LRRC69: variants seen among roughly 807,000 people sequenced by gnomAD.
The protein encoded by LRRC69 is leucine-rich repeat-containing protein 69.
Under a neutral mutation model 37.8 loss-of-function variants are expected in LRRC69, and 42 were observed. That is an observed-to-expected ratio of 1.11 (90% CI 0.87 to 1.44). The LOEUF is 1.44. Among genes scored for constraint, LRRC69 ranks in the 40% most tolerant of loss-of-function variants. LRRC69 has a pLI of 0.00. For missense variants in LRRC69, 357 were observed against 401.9 expected, an observed-to-expected ratio of 0.89 and a Z score of 0.96; for synonymous variants, 141 against 143.1, an observed-to-expected ratio of 0.99 and a Z score of 0.11.
intron 5 of LRRC69, among the ~76,000 whole-genome samples, chr8:91,173,712 G>T (rs893428961): frequency 2.0e-5 from 3 of 152,076 alleles, no homozygotes; most frequent in Admixed American, 1.3e-4. Flanking sequence ...AGCAGATTTG[G>T]TGTCTGTTCG....
chr8:91,213,385 C>T (rs1258819568), intron 7 of LRRC69, among the ~76,000 whole-genome samples: 1 of 152,036 alleles, frequency 6.6e-6, no homozygotes, highest in Non-Finnish European at 1.5e-5. Flanking sequence ...TTGGCAAATC[C>T]CAATGTATGG....
intron 4 of LRRC69, among the ~76,000 whole-genome samples, chr8:91,134,034 C>CT (rs1349295761): frequency 6.6e-6 from 1 of 151,412 alleles, no homozygotes. Flanking sequence ...ACTGGCTCTC[C>CT]TTTTTTCCTT....
intron 5 of LRRC69, among the ~76,000 whole-genome samples, chr8:91,162,659 GT>G (rs767085838): frequency 2.6e-4 from 40 of 151,214 alleles, no homozygotes; most frequent in Non-Finnish European, 5.2e-4. Context: ...AGGTAAGTGA[GT>G]TTTTTGTAGG....
chr8:91,162,490 T>C (rs553971452), intron 5 of LRRC69, among the ~76,000 whole-genome samples: 2 of 151,604 alleles, frequency 1.3e-5, no homozygotes, highest in South Asian at 4.2e-4. Flanking sequence ...ATTAATCCCT[T>C]TATCATTATA....
intron 5 of LRRC69, among the ~76,000 whole-genome samples, chr8:91,142,487 G>C (rs564663034): frequency 6.6e-6 from 1 of 152,122 alleles, no homozygotes; most frequent in African/African-American, 2.4e-5. Flanking sequence ...CATTATTCCT[G>C]TTTGGAGCTG....
chr8:91,205,151 TATGA>T (rs370160310), intron 7 of LRRC69, among the ~76,000 whole-genome samples: 3 of 152,104 alleles, frequency 2.0e-5, no homozygotes, highest in Admixed American at 6.6e-5. Flanking sequence ...TTATAAAAAA[TATGA>T]ATGAATGAAT....
intron 5 of LRRC69, among the ~76,000 whole-genome samples, chr8:91,148,532 G>A (rs1433392002): frequency 4.6e-5 from 7 of 151,764 alleles, no homozygotes; most frequent in African/African-American, 7.3e-5. Context: ...GAATAGTGCC[G>A]CAATAAACAT....
chr8:91,155,692 T>A (rs1808821159), intron 5 of LRRC69, among the ~76,000 whole-genome samples: 1 of 150,854 alleles, frequency 6.6e-6, no homozygotes, highest in African/African-American at 2.4e-5. Flanking sequence ...TCTACTTCTA[T>A]GAACTCAACA....
chr8:91,200,428 A>G (rs551475600), intron 6 of LRRC69, among the ~76,000 whole-genome samples, 185 bp from the exon 7 acceptor site: 2 of 152,346 alleles, frequency 1.3e-5, no homozygotes, highest in Admixed American at 6.5e-5. Context: ...TCTTATATTG[A>G]TGAAAACCAA....
intron 5 of LRRC69, among the ~76,000 whole-genome samples, chr8:91,176,115 C>CATATAT (rs1220622429): frequency 4.9e-5 from 5 of 102,334 alleles, no homozygotes; most frequent in East Asian, 5.4e-4. Context: ...CACCATCCCT[C>CATATAT]ATATATATAT....
At chr8:91,117,974 A>G (rs1326094102) in intron 1 of LRRC69, among the ~76,000 whole-genome samples, 2 of 151,808 alleles carry the variant, frequency 1.3e-5, no homozygotes, top group East Asian at 3.9e-4. Flanking sequence ...AGGGAATATG[A>G]TAGCAATCTT....
At chr8:91,187,251 T>C (rs549098283) in intron 5 of LRRC69, among the ~76,000 whole-genome samples, 1 of 152,344 alleles carries the variant, frequency 6.6e-6, no homozygotes, top group Non-Finnish European at 1.5e-5. Context: ...TTTATATCCA[T>C]ATCTTTTCAC....
At position 91,135,743 on chromosome 8, in the gene LRRC69, AG is replaced by A. The variant is rs1268360046; in HGVS notation, c.651+5del. 3.7e-5 allele frequency: 52 copies of A among 1,392,034 alleles called. No homozygotes were observed. The highest frequency in any genetic ancestry group is 4.9e-5 in the Non-Finnish European group (52 of 1,060,828). 86.2% of individuals were successfully genotyped at this position (1,392,034 alleles called of 1,614,324 possible). A position where few individuals can be genotyped will look rare whatever the true frequency, so the allele number is the denominator to read the frequency against. ...TATTCAGATATTTCCATCAGGAGTA[AG>A]TAGAGTCAACTTCCATTATAATTGA... On this transcript the variant is annotated splice_donor_5th_base_variant and intron_variant, in intron 5 of 7. Coordinates refer to ENST00000448384, the Ensembl canonical transcript of LRRC69.
At chr8:91,213,948 G>A (rs1256641361) in intron 7 of LRRC69, among the ~76,000 whole-genome samples, 3 of 152,100 alleles carry the variant, frequency 2.0e-5, no homozygotes, top group African/African-American at 7.2e-5. Context: ...TAAGTAAGGG[G>A]TTTGAACTTG....
At chr8:91,144,056 A>T (rs866460998) in intron 5 of LRRC69, among the ~76,000 whole-genome samples, 8 of 152,028 alleles carry the variant, frequency 5.3e-5, no homozygotes, top group African/African-American at 1.9e-4. Context: ...GAATGAATGA[A>T]TAATTAAATG....
At position 91,162,363 on chromosome 8, in the gene LRRC69, A is replaced by G. The variant is rs908864298; in HGVS notation, c.651+26624A>G. Among the ~76,000 whole-genome samples, 8 of 151,330 alleles carry G rather than the reference A, an allele frequency of 5.3e-5. No homozygotes were observed. The Admixed American group carries it at 5.3e-4, about 10-fold the overall frequency. ...CTGAGAGTGGAGCGTTGAGTCCCCA[A>G]CTATTATTGTACTAGGGTCTATCTC... On this transcript the variant is annotated intron_variant, in intron 5 of 7. Transcript: ENST00000448384.
exon 4 of LRRC69, chr8:91,133,272 G>C (rs1813842610): frequency 6.6e-7 from 1 of 1,516,168 alleles, no homozygotes; most frequent in African/African-American, 1.4e-5. Flanking sequence ...AGAAGCTTTT[G>C]CTAGCCAGAA....
chr8:91,155,849 G>A (rs991219662), intron 5 of LRRC69, among the ~76,000 whole-genome samples: 6 of 146,160 alleles, frequency 4.1e-5, no homozygotes, highest in Non-Finnish European at 6.0e-5. Flanking sequence ...TATTCTTTTT[G>A]TGAATATGTA....
intron 1 of LRRC69, among the ~76,000 whole-genome samples, chr8:91,116,390 G>A (rs1419484542): frequency 6.6e-6 from 1 of 151,974 alleles, no homozygotes; most frequent in South Asian, 2.1e-4. Context: ...ACATTGCATA[G>A]CAAACAGCCT....
Sources: gnomAD v4.1 joint callset for allele counts (sites outside exome capture counted in the v4.1 genomes callset) on GRCh38, gnomAD v4.1.1 for gene constraint, MANE v1.5 for transcripts, NCBI Gene and HGNC (gene_info 2026-07-23, HGNC 2026-07-21) for gene names.